Variants in SH3PXD2A observed in about 807,000 individuals in gnomAD.
SH3PXD2A encodes the protein SH3 and PX domain-containing protein 2A.
Under a neutral mutation model 115.2 loss-of-function variants are expected in SH3PXD2A, and 32 were observed. That is an observed-to-expected ratio of 0.28 (90% CI 0.21 to 0.37). The LOEUF (loss-of-function observed/expected upper bound fraction) is 0.37, where lower values mean the gene tolerates loss of function less well. SH3PXD2A is among the 10% of genes least tolerant of loss of function. The pLI is 1.00. For synonymous variants in SH3PXD2A, 610 were observed against 629.1 expected, an observed-to-expected ratio of 0.97 and a Z score of 0.45; for missense variants, 1,328 against 1,498.7, an observed-to-expected ratio of 0.89 and a Z score of 1.88.
intron 6 of SH3PXD2A, among the ~76,000 whole-genome samples, chr10:103,671,764 C>T (rs535090966): frequency 5.9e-5 from 9 of 151,512 alleles, no homozygotes; most frequent in Admixed American, 1.3e-4. Context: ...GGTGAAGGAG[C>T]AGTGGGGGGG....
chr10:103,825,738 G>A (rs2039423467), intron 1 of SH3PXD2A, among the ~76,000 whole-genome samples: 1 of 151,540 alleles, frequency 6.6e-6, no homozygotes, highest in Non-Finnish European at 1.5e-5. Context: ...GGTGCTCCTG[G>A]GTAAAACACA....
At chr10:103,642,321 GCT>G (rs1255974292) in intron 8 of SH3PXD2A, among the ~76,000 whole-genome samples, 2 of 152,160 alleles carry the variant, frequency 1.3e-5, no homozygotes, top group Non-Finnish European at 2.9e-5. Context: ...CCTGTGGCCC[GCT>G]CTTTCTTTGC....
chr10:103,605,834 G>C lies in SH3PXD2A; in HGVS notation c.1392C>G (p.Ser464=), dbSNP rs759450696. The change falls in exon 14 of 15, where the codon TCC becomes TCG. Residue 464 remains serine (S), a synonymous_variant. Transcript: ENST00000369774. ...GTCCACCCCGAAAGCTGATGCCATC[G>C]GAAATGCACGACTGGAATTCGGCAA... ...YTIAEFQSCI[S]DGISFRGGQK... 6.2e-7 allele frequency: 1 copy of C among 1,613,580 alleles called. No individual in the cohort carries two copies. Among genetic ancestry groups the C allele is most frequent in the Non-Finnish European group, 8.5e-7 (1 of 1,179,488 alleles).
At chr10:103,675,639 CACTT>C (rs923521965) in intron 6 of SH3PXD2A, among the ~76,000 whole-genome samples, 3 of 152,194 alleles carry the variant, frequency 2.0e-5, no homozygotes, top group African/African-American at 7.2e-5. Flanking sequence ...TACCAGTTTC[CACTT>C]ACTTAACATT....
intron 10 of SH3PXD2A, among the ~76,000 whole-genome samples, chr10:103,618,351 G>C (rs1473198803): frequency 6.6e-6 from 1 of 152,210 alleles, no homozygotes; most frequent in Non-Finnish European, 1.5e-5. Flanking sequence ...AGCTTTCCCT[G>C]TCCCAGGAAG....
intron 5 of SH3PXD2A, among the ~76,000 whole-genome samples, chr10:103,716,160 C>T (rs1295771044): frequency 2.6e-5 from 4 of 152,168 alleles, no homozygotes; most frequent in African/African-American, 9.7e-5. Context: ...TGTCCTAAGC[C>T]AGCCCCTGCA....
At chr10:103,844,262 C>A (rs1176268028) in intron 1 of SH3PXD2A, among the ~76,000 whole-genome samples, 3 of 152,208 alleles carry the variant, frequency 2.0e-5, no homozygotes, top group African/African-American at 7.2e-5. Flanking sequence ...GCTGAGGGCT[C>A]AACTAATCTG....
intron 6 of SH3PXD2A, among the ~76,000 whole-genome samples, chr10:103,689,189 A>G (rs1041011103): frequency 3.2e-4 from 49 of 152,230 alleles, no homozygotes; most frequent in African/African-American, 8.9e-4. Context: ...ATATTTTTTA[A>G]GAGCTCACTC....
chr10:103,663,798 C>G (rs1482392396), intron 7 of SH3PXD2A, among the ~76,000 whole-genome samples: 3 of 152,266 alleles, frequency 2.0e-5, no homozygotes, highest in Admixed American at 6.5e-5. Context: ...CCCACTGCCC[C>G]CCGGCAGTTT....
At chr10:103,629,645 C>G (rs3781353) in intron 8 of SH3PXD2A, among the ~76,000 whole-genome samples, 37,344 of 152,142 alleles carry the variant, frequency 0.25, 5,541 homozygotes, top group African/African-American at 0.41. Context: ...AAACAAGAGG[C>G]GCCATTCCTT....
chr10:103,602,242 G>C lies in SH3PXD2A; in HGVS notation c.2976C>G (p.Asn992Lys). Residue 992 changes from asparagine (N) to lysine (K), a missense_variant, in exon 15 of 15, where the codon AAC becomes AAG. Transcript: ENST00000369774. ...VFVSPPPKDN[N>K]LSCALRRNES... ...CATTCCTCCGCAGGGCGCAGGACAG[G>C]TTGTTGTCCTTGGGTGGCGGGGACA... 6.2e-7 allele frequency: 1 copy of C among 1,609,940 alleles called. No individual in the cohort carries two copies. The highest frequency in any genetic ancestry group is 8.5e-7 in the Non-Finnish European group (1 of 1,178,174).
At chr10:103,794,821 A>G (rs2039070963) in intron 2 of SH3PXD2A, among the ~76,000 whole-genome samples, 1 of 152,222 alleles carries the variant, frequency 6.6e-6, no homozygotes, top group Non-Finnish European at 1.5e-5. Flanking sequence ...TCACATCTGA[A>G]AGGCTCTTAG....
chr10:103,642,508 T>C (rs1371828308), intron 8 of SH3PXD2A, among the ~76,000 whole-genome samples: 1 of 152,228 alleles, frequency 6.6e-6, no homozygotes, highest in Non-Finnish European at 1.5e-5. Flanking sequence ...TTGGGTGGAC[T>C]ACAGCTTTAG....
chr10:103,639,480 T>G (rs574836024), intron 8 of SH3PXD2A, among the ~76,000 whole-genome samples: 412 of 151,744 alleles, frequency 2.7e-3, no homozygotes, highest in African/African-American at 4.0e-3. Context: ...CATGGTGGCG[T>G]GTGCCTGTAG....
At chr10:103,742,373 T>C (rs2134193615) in intron 3 of SH3PXD2A, among the ~76,000 whole-genome samples, 1 of 152,290 alleles carries the variant, frequency 6.6e-6, no homozygotes, top group East Asian at 1.9e-4. Context: ...GTGTCCCACA[T>C]CTCCTTCTGC....
intron 2 of SH3PXD2A, among the ~76,000 whole-genome samples, chr10:103,795,287 C>T (rs938297998): frequency 6.6e-6 from 1 of 152,130 alleles, no homozygotes; most frequent in Non-Finnish European, 1.5e-5. Context: ...TTGGACAGTA[C>T]AGCTTTAAAG....
chr10:103,644,933 A>G (rs1448186116), intron 8 of SH3PXD2A, among the ~76,000 whole-genome samples: 2 of 152,090 alleles, frequency 1.3e-5, no homozygotes, highest in Non-Finnish European at 2.9e-5. Flanking sequence ...GGCCTGGGAG[A>G]AGTACCCCGT....
At chr10:103,734,078 T>C (rs939151631) in intron 4 of SH3PXD2A, among the ~76,000 whole-genome samples, 5 of 152,160 alleles carry the variant, frequency 3.3e-5, no homozygotes, top group Non-Finnish European at 7.3e-5. Flanking sequence ...TGTTTTTATA[T>C]TCATTTTACA....
intron 3 of SH3PXD2A, among the ~76,000 whole-genome samples, chr10:103,757,211 GC>G (rs1431423979): frequency 1.3e-5 from 2 of 152,310 alleles, no homozygotes; most frequent in African/African-American, 4.8e-5. Flanking sequence ...GTGTCACCGA[GC>G]CCTGAAATCA....
Sources: allele counts gnomAD v4.1 joint callset (sites outside exome capture counted in the v4.1 genomes callset), GRCh38; gene constraint gnomAD v4.1.1; transcripts MANE v1.5; gene names NCBI Gene and HGNC (gene_info 2026-07-23, HGNC 2026-07-21).